Variants in CREB3L2 observed in about 807,000 individuals in gnomAD.
CREB3L2 encodes the protein cyclic AMP-responsive element-binding protein 3-like protein 2.
A neutral mutation model predicts 57.2 loss-of-function variants in CREB3L2; 23 were observed. The ratio of observed to expected loss-of-function variants is 0.40; its 90% CI spans 0.29 to 0.57. The LOEUF is 0.57. CREB3L2 is among the 20% of genes least tolerant of loss of function. The pLI, the probability that CREB3L2 is intolerant of heterozygous loss-of-function variation, is 0.42. For missense variants in CREB3L2, 628 were observed against 634.7 expected, an observed-to-expected ratio of 0.99 and a Z score of 0.11; for synonymous variants, 268 against 265.1, an observed-to-expected ratio of 1.01 and a Z score of -0.11.
At chr7:137,969,789 C>CAT (rs1471752348) in intron 1 of CREB3L2, among the ~76,000 whole-genome samples, 6 of 145,768 alleles carry the variant, frequency 4.1e-5, no homozygotes, top group Admixed American at 2.1e-4. Flanking sequence ...CACACACACA[C>CAT]ACACAACATA....
chr7:137,999,605 C>CTG (rs1802044517), intron 1 of CREB3L2: 1 of 152,192 alleles, frequency 6.6e-6, no homozygotes, highest in African/African-American at 2.4e-5. Context: ...CCCTGGATAT[C>CTG]TAACAGAGTT....
At chr7:137,907,577 T>G (rs1799918242) in intron 5 of CREB3L2, among the ~76,000 whole-genome samples, 1 of 152,238 alleles carries the variant, frequency 6.6e-6, no homozygotes. Context: ...TTAAAACATC[T>G]CATTTCATTT....
intron 1 of CREB3L2, among the ~76,000 whole-genome samples, chr7:137,942,576 C>G (rs908517793): frequency 2.0e-5 from 3 of 152,028 alleles, no homozygotes; most frequent in African/African-American, 7.2e-5. Context: ...AAAAACAAAA[C>G]AAAACAAAAT....
chr7:137,962,882 A>G (rs540611105), intron 1 of CREB3L2, among the ~76,000 whole-genome samples: 8 of 152,030 alleles, frequency 5.3e-5, no homozygotes, highest in Admixed American at 2.6e-4. Flanking sequence ...ACTCCCTTCC[A>G]TCCTCGCACT....
intron 4 of CREB3L2, among the ~76,000 whole-genome samples, chr7:137,908,996 A>G (rs940028258): frequency 6.6e-6 from 1 of 152,130 alleles, no homozygotes; most frequent in Non-Finnish European, 1.5e-5. Flanking sequence ...GCTACTTGGG[A>G]GGCTGAGGCA....
chr7:137,991,199 C>T (rs1484946619), intron 1 of CREB3L2, among the ~76,000 whole-genome samples: 5 of 151,504 alleles, frequency 3.3e-5, no homozygotes, highest in African/African-American at 9.7e-5. Context: ...AGTCTTGCTC[C>T]GTCACCCAGG....
chr7:137,919,998 A>G (rs542157636), intron 2 of CREB3L2, among the ~76,000 whole-genome samples: 19 of 152,312 alleles, frequency 1.2e-4, no homozygotes, highest in African/African-American at 4.6e-4. Flanking sequence ...GGCCTGCTCC[A>G]CTTCATGGCT....
At chr7:137,933,892 T>G (rs1232425813) in intron 1 of CREB3L2, 1 of 152,216 alleles carries the variant, frequency 6.6e-6, no homozygotes, top group Non-Finnish European at 1.5e-5. Flanking sequence ...GGGCCCATCT[T>G]TAATGCCAGC....
In CREB3L2 at chr7:137,913,054, T is replaced by C. The variant is rs769066857; in HGVS notation, c.520A>G (p.Ile174Val). 1.2e-6 allele frequency: 2 copies of C among 1,613,666 alleles called. No individual in the cohort carries two copies. Among genetic ancestry groups the C allele is most frequent in the African/African-American group, 2.7e-5 (2 of 74,876 alleles). Residue 174 changes from isoleucine to valine, a missense_variant, in exon 4 of 12, where the codon ATT becomes GTT. Physicochemically the swap from Ile to Val is conservative, Grantham distance 29 (BLOSUM62 3). This residue lies in a region of CREB3L2 where 339 missense variants were observed against 355.4 expected (regional missense o/e 0.95). Transcript: ENST00000330387. ...TGVDSSCQTIIPKIKLEPHEV... is the reference protein window; with the variant it reads ...TGVDSSCQTIVPKIKLEPHEV... ...TGAGGCTCCAGCTTAATTTTAGGAATAATGGTCTGGCACGAGGAATCAACC... is the reference window on the plus strand; with the variant it reads ...TGAGGCTCCAGCTTAATTTTAGGAACAATGGTCTGGCACGAGGAATCAACC...
intron 1 of CREB3L2, among the ~76,000 whole-genome samples, chr7:137,948,090 G>A (rs1261220818): frequency 2.0e-5 from 3 of 152,064 alleles, no homozygotes; most frequent in Non-Finnish European, 4.4e-5. Context: ...ATCTAATATC[G>A]AGGACCTCAC....
intron 5 of CREB3L2, among the ~76,000 whole-genome samples, chr7:137,906,455 A>C (rs1283168495): frequency 3.3e-5 from 5 of 152,194 alleles, no homozygotes; most frequent in African/African-American, 1.2e-4. Flanking sequence ...GCATGTTTAT[A>C]ATTAATCAAA....
chr7:137,911,093 G>C (rs1485104584), intron 4 of CREB3L2, among the ~76,000 whole-genome samples: 3 of 152,194 alleles, frequency 2.0e-5, no homozygotes, highest in African/African-American at 7.2e-5. Context: ...AATTAAAAGA[G>C]TAAGATGCAT....
chr7:137,981,586 C>T (rs183298144), intron 1 of CREB3L2, among the ~76,000 whole-genome samples: 40 of 152,250 alleles, frequency 2.6e-4, no homozygotes, highest in Non-Finnish European at 4.9e-4. Flanking sequence ...AAAATATATA[C>T]CCATGAGTCC....
chr7:137,898,761 A>C (rs1324034234), intron 8 of CREB3L2, among the ~76,000 whole-genome samples: 1 of 151,880 alleles, frequency 6.6e-6, no homozygotes, highest in Non-Finnish European at 1.5e-5. Flanking sequence ...GACCAGGAAG[A>C]CTCTACAGGA....
chr7:137,982,378 C>T (rs1222060812), intron 1 of CREB3L2, among the ~76,000 whole-genome samples: 1 of 152,082 alleles, frequency 6.6e-6, no homozygotes, highest in Non-Finnish European at 1.5e-5. Context: ...ACCCCCAGTG[C>T]TATGGGGTTG....
At chr7:137,891,537 G>A (rs996168069) in intron 8 of CREB3L2, among the ~76,000 whole-genome samples, 2 of 151,678 alleles carry the variant, frequency 1.3e-5, no homozygotes, top group Non-Finnish European at 2.9e-5. Flanking sequence ...ATTATTTGCT[G>A]TGTTGGGAGC....
intron 1 of CREB3L2, among the ~76,000 whole-genome samples, chr7:137,944,653 T>C (rs1358218759): frequency 6.6e-6 from 1 of 152,216 alleles, no homozygotes; most frequent in Non-Finnish European, 1.5e-5. Flanking sequence ...AATTAAGGTA[T>C]ATCTAAGTGG....
At position 137,965,184 on chromosome 7, in the gene CREB3L2, G is replaced by T. The variant is rs1244247968; in HGVS notation, c.102+36420C>A. On this transcript the variant is annotated intron_variant, in intron 1 of 11. Transcript: ENST00000330387. ...TCAACTATCTCTAAAGCCAGAGTTA[G>T]ATCAAGGGACAGGATAGTGCTCAAA... Among the ~76,000 whole-genome samples the T allele has an allele frequency of 2.6e-5, 4 of 152,188 alleles. No individual in the cohort carries two copies. In the East Asian group the frequency reaches 7.7e-4, roughly 29 times the overall value.
At position 137,878,525 on chromosome 7, in the gene CREB3L2, C is replaced by T. The variant is rs1277783871; in HGVS notation, c.*1951G>A. 4.3e-6 allele frequency: 1 copy of T among 233,288 alleles called. No homozygotes were observed. Among genetic ancestry groups the T allele is most frequent in the Non-Finnish European group, 8.5e-6 (1 of 118,306 alleles). 14.5% of individuals were successfully genotyped at this position (233,288 alleles called of 1,614,324 possible). A position where few individuals can be genotyped will look rare whatever the true frequency, so the allele number is the denominator to read the frequency against. Reference sequence around the variant, plus strand: ...AGGATCTGGGCTGCAGACAGTGGAGCAGAGAGAAGCAGAAGCAGAACCTAC... The same window carrying T: ...AGGATCTGGGCTGCAGACAGTGGAGTAGAGAGAAGCAGAAGCAGAACCTAC... On this transcript the variant is annotated 3_prime_UTR_variant, in exon 12 of 12. Transcript: ENST00000330387.
Sources: gnomAD v4.1 joint callset for allele counts (sites outside exome capture counted in the v4.1 genomes callset) on GRCh38, gnomAD v4.1.1 for gene constraint, gnomAD v4.1.1 regional missense constraint, MANE v1.5 for transcripts, NCBI Gene and HGNC (gene_info 2026-07-23, HGNC 2026-07-21) for gene names.